PKHD1: variants seen among roughly 807,000 people sequenced by gnomAD.
PKHD1 encodes PKHD1 ciliary IPT domain containing fibrocystin/polyductin, also known as fibrocystin.
In PKHD1, 291 loss-of-function variants were observed where a neutral mutation model predicts 412.0. The observed-to-expected ratio is 0.71, with a 90% CI of 0.64 to 0.78. The LOEUF is 0.78. PKHD1 is among the 30% of genes least tolerant of loss of function. The probability of loss-of-function intolerance (pLI) is 0.00; values close to 1 mark genes in which losing one functional copy is unlikely to be tolerated. For missense variants in PKHD1, 4,825 were observed against 4,950.7 expected (o/e 0.97, Z 0.76); for synonymous variants, 1,777 against 1,821.5 (o/e 0.98, Z 0.62).
chr6:52,084,881 C>T lies in PKHD1; in HGVS notation c.52+1G>A. 1 of 1,590,300 alleles carries T rather than the reference C, an allele frequency of 6.3e-7. No individual in the cohort carries two copies. Among genetic ancestry groups the T allele is most frequent in the Non-Finnish European group, 8.6e-7 (1 of 1,158,468 alleles). ...ATTCCTTCAAAACACATTCTACTGA[C>T]CTGCCAAAAGTAGTACTTCAATACT... On this transcript the variant is annotated splice_donor_variant, in intron 2 of 66. Transcript: ENST00000371117. LOFTEE classifies it high-confidence loss of function.
chr6:51,943,664 A>G (rs1311484696), intron 36 of PKHD1, among the ~76,000 whole-genome samples: 1 of 151,512 alleles, frequency 6.6e-6, no homozygotes, highest in Non-Finnish European at 1.5e-5. Context: ...CCCAATTCTT[A>G]ATCCTTTAAT....
chr6:51,870,274 C>T (rs1227376700), intron 47 of PKHD1, among the ~76,000 whole-genome samples: 1 of 152,092 alleles, frequency 6.6e-6, no homozygotes, highest in Non-Finnish European at 1.5e-5. Context: ...AGACATAGGA[C>T]CATAATGATA....
At chr6:51,975,963 T>TGGA (rs1231391714) in intron 35 of PKHD1, 1 of 69,766 alleles carries the variant, frequency 1.4e-5, no homozygotes, top group Non-Finnish European at 2.7e-5. Flanking sequence ...TTTCTCTAAT[T>TGGA]AAAAAAAAAA....
At chr6:51,720,886 G>A (rs1225193673) in intron 60 of PKHD1, 2 of 527,992 alleles carry the variant, frequency 3.8e-6, no homozygotes, top group South Asian at 1.6e-4. Context: ...ACAATACTTG[G>A]CATACAGTAA....
intron 56 of PKHD1, among the ~76,000 whole-genome samples, chr6:51,753,833 G>A (rs1582473454): frequency 6.6e-6 from 1 of 152,152 alleles, no homozygotes; most frequent in Admixed American, 6.5e-5. Context: ...CAGCAGCAGC[G>A]CCCTCTCATG....
At chr6:51,651,600 C>T (rs1213246852) in intron 61 of PKHD1, among the ~76,000 whole-genome samples, 1 of 152,098 alleles carries the variant, frequency 6.6e-6, no homozygotes. Context: ...CATCCACTTT[C>T]CTTTCATGAT....
At chr6:51,806,109 A>C (rs1250501699) in intron 52 of PKHD1, among the ~76,000 whole-genome samples, 1 of 152,008 alleles carries the variant, frequency 6.6e-6, no homozygotes, top group African/African-American at 2.4e-5. Context: ...GGATTAGGAG[A>C]TATACCTAAT....
At chr6:52,066,322 C>T (rs938379138) in intron 11 of PKHD1, among the ~76,000 whole-genome samples, 1 of 152,102 alleles carries the variant, frequency 6.6e-6, no homozygotes, top group African/African-American at 2.4e-5. Flanking sequence ...TTCATGGTAT[C>T]AGCAAAAGCC....
At chr6:52,084,210 T>C (rs1292247155) in intron 2 of PKHD1, among the ~76,000 whole-genome samples, 1 of 152,268 alleles carries the variant, frequency 6.6e-6, no homozygotes, top group Non-Finnish European at 1.5e-5. Context: ...TAGAAGAAAC[T>C]GTGTCTAGCC....
Position 51,899,045 on chromosome 6 carries a change from G to A in PKHD1, c.6996+4552C>T, listed in dbSNP as rs1472626483. On this transcript the variant is annotated intron_variant, in intron 43 of 66. Coordinates refer to ENST00000371117, the MANE Select transcript of PKHD1 (RefSeq NM_138694.4). ...ATCAATAGCTTACCAACCAAAAAGA[G>A]TCCAGGACCAGGCAGATTCACAGCC... 2.6e-5 allele frequency among the ~76,000 whole-genome samples: 4 copies of A among 152,278 alleles called. No homozygotes were observed. In the South Asian group the frequency reaches 8.3e-4, roughly 32 times the overall value.
chr6:51,805,799 C>T (rs6458792), intron 52 of PKHD1, among the ~76,000 whole-genome samples: 119,456 of 152,008 alleles, frequency 0.79, 47,148 homozygotes, highest in East Asian at 0.97. Flanking sequence ...AGGGTAAGCA[C>T]AGCAGGAGAA....
intron 53 of PKHD1, among the ~76,000 whole-genome samples, chr6:51,778,693 T>A (rs1475939001): frequency 2.6e-5 from 4 of 152,096 alleles, no homozygotes; most frequent in Non-Finnish European, 4.4e-5. Context: ...TACAAATGGG[T>A]TCCAGGAACT....
chr6:51,911,665 G>A (rs1476692568), intron 39 of PKHD1, 134 bp downstream of exon 39: 3 of 769,972 alleles, frequency 3.9e-6, no homozygotes, highest in Non-Finnish European at 6.8e-6. Flanking sequence ...GAAAACTACA[G>A]AAAAGTATGG....
intron 60 of PKHD1, among the ~76,000 whole-genome samples, chr6:51,687,348 T>C (rs1777575088): frequency 6.6e-6 from 1 of 152,246 alleles, no homozygotes; most frequent in Admixed American, 6.5e-5. Context: ...TAATAACTCT[T>C]GCCATTATGT....
intron 46 of PKHD1, among the ~76,000 whole-genome samples, chr6:51,878,880 A>C (rs1776950200): frequency 1.6e-5 from 1 of 61,978 alleles, no homozygotes; most frequent in Non-Finnish European, 2.7e-5. Context: ...GTCTCAGCCC[A>C]AAATCTCCTT....
intron 34 of PKHD1, among the ~76,000 whole-genome samples, chr6:52,011,329 G>C (rs1015367834): frequency 1.3e-5 from 2 of 152,188 alleles, no homozygotes; most frequent in South Asian, 2.1e-4. Context: ...AAAATTATCA[G>C]TAATAATAAT....
rs559231448 is a variant in PKHD1 at position 51,616,945 on chromosome 6, T to C, written c.*2136A>G. The C allele has an allele frequency of 2.5e-5, 9 of 360,956 alleles. No homozygotes were observed. The highest frequency in any genetic ancestry group is 6.3e-5 in the African/African-American group (3 of 47,888). 22.4% of individuals were successfully genotyped at this position (360,956 alleles called of 1,614,324 possible). Reference sequence around the variant, plus strand: ...GGTCTGAGTGCAGTGATGTCATTCATTGAGTTGGAAAAAAACACAAGGAGA... The same window carrying C: ...GGTCTGAGTGCAGTGATGTCATTCACTGAGTTGGAAAAAAACACAAGGAGA... On this transcript the variant is annotated 3_prime_UTR_variant, in exon 67 of 67. Transcript: ENST00000371117.
intron 63 of PKHD1, among the ~76,000 whole-genome samples, chr6:51,639,616 G>C (rs1769080095): frequency 6.6e-6 from 1 of 151,884 alleles, no homozygotes; most frequent in African/African-American, 2.4e-5. Context: ...AAAAACCCTT[G>C]CGTCTTCTAA....
chr6:51,883,310 AAG>A, intron 45 of PKHD1, 83 bp from the exon 46 acceptor site: 3 of 1,202,262 alleles, frequency 2.5e-6, no homozygotes, highest in Non-Finnish European at 3.7e-6. Flanking sequence ...ATTATTGATT[AAG>A]TAGAAAGAAG....
Sources: gnomAD v4.1 joint callset for allele counts (sites outside exome capture counted in the v4.1 genomes callset) on GRCh38, gnomAD v4.1.1 for gene constraint, MANE v1.5 for transcripts, NCBI Gene and HGNC (gene_info 2026-07-23, HGNC 2026-07-21) for gene names.